TBL1XR1: variants seen among roughly 807,000 people sequenced by gnomAD.
TBL1XR1 encodes F-box-like/WD repeat-containing protein TBL1XR1.
TBL1XR1 carries 5 observed loss-of-function variants against 66.9 expected under a neutral mutation model. The ratio of observed to expected loss-of-function variants is 0.07; its 90% CI spans 0.04 to 0.16. The LOEUF (loss-of-function observed/expected upper bound fraction) is 0.16. TBL1XR1 is among the 10% of genes least tolerant of loss of function. TBL1XR1 has a pLI of 1.00. For missense variants in TBL1XR1, 238 were observed against 623.2 expected, an observed-to-expected ratio of 0.38 and a Z score of 6.58; for synonymous variants, 210 against 206.0, an observed-to-expected ratio of 1.02 and a Z score of -0.17.
At chr3:177,098,607 T>G (rs536303693) in intron 1 of TBL1XR1, 66 bp from the exon 2 acceptor site, 1 of 788,910 alleles carries the variant, frequency 1.3e-6, no homozygotes, top group Admixed American at 6.2e-5. Flanking sequence ...AGATTTTCCA[T>G]ACCAAATGTT....
At chr3:177,155,658 A>C (rs1731400479) in intron 1 of TBL1XR1, among the ~76,000 whole-genome samples, 1 of 152,260 alleles carries the variant, frequency 6.6e-6, no homozygotes, top group African/African-American at 2.4e-5. Context: ...GTACGAAAAC[A>C]ACTGAATAGT....
At chr3:177,159,673 T>C (rs905858724) in intron 1 of TBL1XR1, among the ~76,000 whole-genome samples, 1 of 152,168 alleles carries the variant, frequency 6.6e-6, no homozygotes, top group Non-Finnish European at 1.5e-5. Context: ...GTCATCCAAG[T>C]AAATAATTAT....
At chr3:177,139,986 G>A (rs1043072620) in intron 1 of TBL1XR1, among the ~76,000 whole-genome samples, 1 of 152,102 alleles carries the variant, frequency 6.6e-6, no homozygotes, top group Non-Finnish European at 1.5e-5. Flanking sequence ...ATATAGCAGT[G>A]TCCACCAAGT....
chr3:177,161,577 GTT>G (rs1732215166), intron 1 of TBL1XR1, among the ~76,000 whole-genome samples: 1 of 152,178 alleles, frequency 6.6e-6, no homozygotes, highest in Non-Finnish European at 1.5e-5. Flanking sequence ...GAGGTCAGGA[GTT>G]TGAGACCAGC....
intron 2 of TBL1XR1, among the ~76,000 whole-genome samples, chr3:177,071,596 T>C (rs576986121): frequency 1.3e-5 from 2 of 152,140 alleles, no homozygotes; most frequent in Non-Finnish European, 2.9e-5. Context: ...TATCAAAGTA[T>C]AGTTTTAAAA....
At chr3:177,112,089 ATATATATATATATATATATTTT>A (rs983122606) in intron 1 of TBL1XR1, among the ~76,000 whole-genome samples, 7 of 43,988 alleles carry the variant, frequency 1.6e-4, no homozygotes, top group African/African-American at 1.1e-3. Context: ...ATATATATAT[ATATATATATATATATATATTTT>A]TTTTTTTTTT....
chr3:177,032,091 A>T (rs1714087892), intron 14 of TBL1XR1, among the ~76,000 whole-genome samples: 1 of 152,228 alleles, frequency 6.6e-6, no homozygotes, highest in Non-Finnish European at 1.5e-5. Flanking sequence ...TGTGCGGTAA[A>T]ATATTACTTT....
chr3:177,156,353 T>C (rs1219203800), intron 1 of TBL1XR1, among the ~76,000 whole-genome samples: 1 of 148,632 alleles, frequency 6.7e-6, no homozygotes, highest in Non-Finnish European at 1.5e-5. Flanking sequence ...ACAAAAATTA[T>C]CCAGGTGTGG....
chr3:177,051,522 C>T lies in TBL1XR1; in HGVS notation c.409G>A (p.Gly137Arg). Reference protein sequence around the residue: ...GENTANGEENGAHTIANNHTD... With the variant: ...GENTANGEENRAHTIANNHTD... ...AGCTCACTTGCTATAGTATGTGCTC[C>T]ATTCTCCTCCCCATTTGCTGTGTTT... Residue 137 changes from glycine (G) to arginine (R), a missense_variant, in exon 5 of 16, where the codon GGA becomes AGA. Gly to Arg is a moderately radical substitution (Grantham distance 125, BLOSUM62 -2). Transcript: ENST00000457928. 1 of 1,612,770 alleles carries T rather than the reference C, an allele frequency of 6.2e-7. No homozygotes were observed.
At chr3:177,100,820 T>C (rs1048838392) in intron 1 of TBL1XR1, among the ~76,000 whole-genome samples, 2 of 152,106 alleles carry the variant, frequency 1.3e-5, no homozygotes, top group South Asian at 2.1e-4. Context: ...GAGTTCGTTC[T>C]TGTAGTTTAA....
intron 7 of TBL1XR1, chr3:177,047,810 C>G (rs1281523159): frequency 7.2e-6 from 3 of 418,464 alleles, no homozygotes; most frequent in African/African-American, 5.9e-5. Context: ...CTACATCACC[C>G]CACCTCATGC....
intron 1 of TBL1XR1, among the ~76,000 whole-genome samples, chr3:177,149,547 T>C (rs1293284481): frequency 6.6e-6 from 1 of 152,250 alleles, no homozygotes; most frequent in Non-Finnish European, 1.5e-5. Context: ...TTTTGTATTA[T>C]ACTAATTCTA....
chr3:177,115,105 T>C (rs1250752942), intron 1 of TBL1XR1, among the ~76,000 whole-genome samples: 1 of 152,142 alleles, frequency 6.6e-6, no homozygotes, highest in Non-Finnish European at 1.5e-5. Flanking sequence ...ATGGACTCCA[T>C]ACAGTAAGGA....
chr3:177,112,107 A>ATATATATATATATATTTTTTTTTT, intron 1 of TBL1XR1, among the ~76,000 whole-genome samples: 2 of 37,652 alleles, frequency 5.3e-5, no homozygotes, highest in Non-Finnish European at 8.9e-5. Context: ...ATATATATAT[A>ATATATATATATATATTTTTTTTTT]TTTTTTTTTT....
In TBL1XR1 at chr3:177,050,489, G is replaced by A; in HGVS notation, c.549C>T (p.Leu183=). The change falls in exon 6 of 16, where the codon CTC becomes CTT. Residue 183 remains leucine (L), a synonymous_variant. Coordinates refer to ENST00000457928, the MANE Select transcript of TBL1XR1 (RefSeq NM_024665.7). ...FICAWNPVSD[L]LASGSGDSTA... ...TTTGAGAAACATACCCTGATGCTAGGAGATCACTAACAGGGTTCCAGGCAC... is the reference window on the plus strand; with the variant it reads ...TTTGAGAAACATACCCTGATGCTAGAAGATCACTAACAGGGTTCCAGGCAC... 6.2e-7 allele frequency: 1 copy of A among 1,613,614 alleles called. No individual in the cohort carries two copies. The highest frequency in any genetic ancestry group is 1.3e-5 in the African/African-American group (1 of 74,982).
Position 177,051,557 on chromosome 3 carries a change from T to A in TBL1XR1, c.374A>T (p.Lys125Ile). The change falls in exon 5 of 16, where the codon AAA becomes ATA. Residue 125 changes from lysine to isoleucine, a missense_variant. By Grantham distance (102) the Lys-to-Ile change is moderately radical. Around this residue, in one of 8 missense-constraint regions of TBL1XR1, gnomAD observed 80 missense variants for 100.5 expected, o/e 0.80. Transcript: ENST00000457928. ...AAAASQQGSAKNGENTANGEE... is the reference protein window; with the variant it reads ...AAAASQQGSAINGENTANGEE... The stretch of plus-strand genomic sequence containing the variant: ...CCCATTTGCTGTGTTTTCTCCATTT[T>A]TTGCAGATCCTTGTTGGCTGGCTGC... 6.2e-7 allele frequency: 1 copy of A among 1,613,766 alleles called. No homozygotes were observed. The highest frequency in any genetic ancestry group is 8.5e-7 in the Non-Finnish European group (1 of 1,179,768).
At chr3:177,196,596 G>C (rs1736886985) in intron 1 of TBL1XR1, 1 of 150,244 alleles carries the variant, frequency 6.7e-6, no homozygotes, top group South Asian at 2.1e-4. Flanking sequence ...GGGGAGGGGA[G>C]ATTTCCATTG....
chr3:177,118,758 AAATG>A (rs778655896), intron 1 of TBL1XR1, among the ~76,000 whole-genome samples: 26 of 152,196 alleles, frequency 1.7e-4, no homozygotes, highest in Non-Finnish European at 5.9e-5. Context: ...AGTAGAGACA[AAATG>A]AATACATTAT....
intron 2 of TBL1XR1, among the ~76,000 whole-genome samples, chr3:177,096,529 G>T (rs1207757998): frequency 6.6e-6 from 1 of 152,130 alleles, no homozygotes; most frequent in Non-Finnish European, 1.5e-5. Context: ...GAGATAGGTA[G>T]CTTCATGACA....
Sources: gnomAD v4.1 joint callset for allele counts (sites outside exome capture counted in the v4.1 genomes callset) on GRCh38, gnomAD v4.1.1 for gene constraint, gnomAD v4.1.1 regional missense constraint, MANE v1.5 for transcripts, NCBI Gene and HGNC (gene_info 2026-07-23, HGNC 2026-07-21) for gene names.